The following STAT4 variants were observed in gnomAD, a reference collection of about 807,000 sequenced individuals.
The protein encoded by STAT4 is signal transducer and activator of transcription 4.
In STAT4, 42 loss-of-function variants were observed where a neutral mutation model predicts 110.5. The ratio of observed to expected loss-of-function variants is 0.38; its 90% CI spans 0.30 to 0.49. STAT4 has a LOEUF of 0.49. Among genes scored for constraint, STAT4 ranks in the 20% least tolerant of loss-of-function variants. STAT4 has a pLI of 0.95. For synonymous variants in STAT4, 284 were observed against 302.2 expected, an observed-to-expected ratio of 0.94 and a Z score of 0.63; for missense variants, 632 against 887.9, an observed-to-expected ratio of 0.71 and a Z score of 3.66.
At chr2:191,081,926 A>G (rs796142195) in intron 3 of STAT4, among the ~76,000 whole-genome samples, 1 of 152,236 alleles carries the variant, frequency 6.6e-6, no homozygotes, top group African/African-American at 2.4e-5. Flanking sequence ...CCTCACTTGC[A>G]TCATGCTGGA....
rs1698224928 is a variant in STAT4, at chr2:191,104,502, C to T, written c.274-28177G>A. 6.6e-6 allele frequency among the ~76,000 whole-genome samples: 1 copy of T among 152,152 alleles called. No individual in the cohort carries two copies. The highest frequency in any genetic ancestry group is 6.5e-5 in the Admixed American group (1 of 15,272). On this transcript the variant is annotated intron_variant, in intron 3 of 23. Transcript: ENST00000392320. This position sits in a 1 kb window ranked among gnomAD's most constrained non-coding sequence, Gnocchi z 4.3. ...TGAAGAAGATTTTGCCACACAGACT[C>T]ACACTGTGTTTTTAAATTTGAAGAT...
At position 191,033,043 on chromosome 2, in the gene STAT4, A is replaced by C. The variant is rs749296968; in HGVS notation, c.1959T>G (p.Ile653Met). Residue 653 changes from isoleucine (I) to methionine (M), a missense_variant, in exon 21 of 24, where the codon ATT becomes ATG. Physicochemically the swap from Ile to Met is conservative, Grantham distance 10 (BLOSUM62 1). Coordinates refer to ENST00000392320, the MANE Select transcript of STAT4 (RefSeq NM_003151.4). This position sits in a 1 kb window ranked among gnomAD's most constrained non-coding sequence, Gnocchi z 6.9. ...RDYKVIMAEN[I>M]PENPLKYLYP... is the part of the protein sequence containing the mutation. ...ATAGGTACTTCAGAGGGTTTTCAGG[A>C]ATGTTTTCAGCCATAATAACTTTGT... 107 of 1,614,204 alleles carry C rather than the reference A, an allele frequency of 6.6e-5. 1 individual carries two copies. The South Asian group carries it at 1.1e-3, about 17-fold the overall frequency.
At chr2:191,069,853 CT>C in intron 5 of STAT4, 82 bp from the exon 6 acceptor site, 1 of 1,075,340 alleles carries the variant, frequency 9.3e-7, no homozygotes, top group South Asian at 1.4e-5. Flanking sequence ...TTTTAAAAAA[CT>C]GCTTGGTGCT....
intron 3 of STAT4, chr2:191,131,899 G>T: frequency 7.1e-7 from 1 of 1,417,956 alleles, no homozygotes; most frequent in Non-Finnish European, 9.2e-7. Flanking sequence ...CAACCCTGGG[G>T]ACTAAAGCAA....
At chr2:191,056,586 T>C (rs1202368351) in intron 13 of STAT4, among the ~76,000 whole-genome samples, 1 of 152,210 alleles carries the variant, frequency 6.6e-6, no homozygotes, top group East Asian at 1.9e-4. Context: ...TTTGTACTTC[T>C]GTATTTATAT....
In STAT4 at chr2:191,117,945, C is replaced by G. The variant is rs1221028876; in HGVS notation, c.273+28668G>C. ...GAAGGATGTATCTATCTACACTGTTCAAGAGGAAGATAGATGGGACACAGT... is the reference window on the plus strand; with the variant it reads ...GAAGGATGTATCTATCTACACTGTTGAAGAGGAAGATAGATGGGACACAGT... On this transcript the variant is annotated intron_variant, in intron 3 of 23. Coordinates refer to ENST00000392320, the MANE Select transcript of STAT4 (RefSeq NM_003151.4). The surrounding 1 kb of genome is among the most constrained non-coding windows in gnomAD (Gnocchi z 5.2). Among the ~76,000 whole-genome samples, 2 of 152,150 alleles carry G rather than the reference C, an allele frequency of 1.3e-5. No individual in the cohort carries two copies. The highest frequency in any genetic ancestry group is 2.9e-5 in the Non-Finnish European group (2 of 68,020).
intron 14 of STAT4, among the ~76,000 whole-genome samples, chr2:191,052,187 T>C (rs1044295790): frequency 6.6e-6 from 1 of 152,230 alleles, no homozygotes; most frequent in Non-Finnish European, 1.5e-5. Context: ...CTAACCTTTG[T>C]GTGATCATCC....
chr2:191,137,499 A>G (rs1452244238), intron 3 of STAT4, among the ~76,000 whole-genome samples: 1 of 152,204 alleles, frequency 6.6e-6, no homozygotes, highest in East Asian at 1.9e-4. Context: ...AGAAATAGAA[A>G]AAACAAAATA....
chr2:191,039,304 T>C lies in STAT4; in HGVS notation c.1336-7A>G, dbSNP rs752365784. 11 of 1,613,662 alleles carry C rather than the reference T, an allele frequency of 6.8e-6. 1 individual carries two copies. Among genetic ancestry groups the C allele is most frequent in the Middle Eastern group, 1.6e-4 (1 of 6,084 alleles). ...CCACAGGCAATGAGCTGGTCTGGTT[T>C]GGGGGGAAAAAAGCATAGTTATTAC... On this transcript the variant is annotated splice_region_variant and splice_polypyrimidine_tract_variant and intron_variant, in intron 15 of 23. Transcript: ENST00000392320. The surrounding 1 kb of genome is among the most constrained non-coding windows in gnomAD (Gnocchi z 4.7).
In STAT4 at chr2:191,060,724, T is replaced by C. The variant is rs1483608054; in HGVS notation, c.1034+1005A>G. 6.6e-6 allele frequency among the ~76,000 whole-genome samples: 1 copy of C among 152,216 alleles called. No homozygotes were observed. The highest frequency in any genetic ancestry group is 1.5e-5 in the Non-Finnish European group (1 of 68,032). ...GTGAGCCACCATGCCTGGCCAACAG[T>C]GCAATTTAAAAAGGAACCTGGCCTC... On this transcript the variant is annotated intron_variant, in intron 10 of 23. Coordinates refer to ENST00000392320, the MANE Select transcript of STAT4 (RefSeq NM_003151.4). The surrounding 1 kb of genome is among the most constrained non-coding windows in gnomAD (Gnocchi z 4.5).
chr2:191,032,877 C>T lies in STAT4; in HGVS notation c.2044+81G>A. 2.2e-6 allele frequency: 3 copies of T among 1,374,260 alleles called. No homozygotes were observed. The highest frequency in any genetic ancestry group is 2.0e-6 in the Non-Finnish European group (2 of 1,005,414). 85.1% of individuals were successfully genotyped at this position (1,374,260 alleles called of 1,614,324 possible). ...AAATCAGAGTAAACAAGAAGGGGAACTTCATTTACTTTGCTCCAATATGAG... is the reference window on the plus strand; with the variant it reads ...AAATCAGAGTAAACAAGAAGGGGAATTTCATTTACTTTGCTCCAATATGAG... On this transcript the variant is annotated intron_variant, in intron 21 of 23. Transcript: ENST00000392320. This position sits in a 1 kb window ranked among gnomAD's most constrained non-coding sequence, Gnocchi z 4.9.
rs1698600782 is a variant in STAT4 at position 191,117,382 on chromosome 2, A to T, written c.273+29231T>A. Reference sequence around the variant, plus strand: ...CTAATTTAGTGCCAACACAAATGTAATTTATTGCATGATTATCTTCCAGAA... The same window carrying T: ...CTAATTTAGTGCCAACACAAATGTATTTTATTGCATGATTATCTTCCAGAA... On this transcript the variant is annotated intron_variant, in intron 3 of 23. Coordinates refer to ENST00000392320, the MANE Select transcript of STAT4 (RefSeq NM_003151.4). This position sits in a 1 kb window ranked among gnomAD's most constrained non-coding sequence, Gnocchi z 5.2. Among the ~76,000 whole-genome samples the T allele has an allele frequency of 6.6e-6, 1 of 152,216 alleles. No individual in the cohort carries two copies.
intron 8 of STAT4, among the ~76,000 whole-genome samples, chr2:191,064,227 T>G (rs935145548): frequency 6.6e-6 from 1 of 152,240 alleles, no homozygotes; most frequent in Non-Finnish European, 1.5e-5. Context: ...AATAGTTACA[T>G]CAACGGAATA....
In STAT4 at chr2:191,112,879, T is replaced by C. The variant is rs575997780; in HGVS notation, c.273+33734A>G. ...TTATTCTGTGACTCAGAATTAAACA[T>C]ACAACGTTCAGTCCTATAATAGAGC... On this transcript the variant is annotated intron_variant, in intron 3 of 23. Transcript: ENST00000392320. This position sits in a 1 kb window ranked among gnomAD's most constrained non-coding sequence, Gnocchi z 4.3. Among the ~76,000 whole-genome samples the C allele has an allele frequency of 7.2e-5, 11 of 152,362 alleles. 1 individual carries two copies. In the South Asian group the frequency reaches 2.3e-3, roughly 32 times the overall value.
In STAT4 at chr2:191,083,466, G is replaced by A. The variant is rs1010340764; in HGVS notation, c.274-7141C>T. On this transcript the variant is annotated intron_variant, in intron 3 of 23. Coordinates refer to ENST00000392320, the MANE Select transcript of STAT4 (RefSeq NM_003151.4). This position sits in a 1 kb window ranked among gnomAD's most constrained non-coding sequence, Gnocchi z 4.6. ...TGATAAGGCCAAGAAGATGTGAACA[G>A]GACAGCCCCACCTCTGCTGTACCAG... Among the ~76,000 whole-genome samples the A allele has an allele frequency of 6.6e-6, 1 of 152,156 alleles. No individual in the cohort carries two copies. The highest frequency in any genetic ancestry group is 1.9e-4 in the East Asian group (1 of 5,196).
At chr2:191,080,313 T>C (rs1052067068) in intron 3 of STAT4, among the ~76,000 whole-genome samples, 1 of 152,176 alleles carries the variant, frequency 6.6e-6, no homozygotes, top group Non-Finnish European at 1.5e-5. Flanking sequence ...AAGGGAAGTA[T>C]ATGTGTAATA....
At chr2:191,047,121 G>T (rs12999858) in intron 14 of STAT4, among the ~76,000 whole-genome samples, 9,984 of 152,228 alleles carry the variant, frequency 0.066, 462 homozygotes, top group Middle Eastern at 0.13. Context: ...AACAGATTTT[G>T]GGAAGCTTCT....
In STAT4 at chr2:191,029,774, T is replaced by G. The variant is rs1008713516; in HGVS notation, c.*66A>C. On this transcript the variant is annotated 3_prime_UTR_variant, in exon 24 of 24. Transcript: ENST00000392320. The surrounding 1 kb of genome is among the most constrained non-coding windows in gnomAD (Gnocchi z 4.5). ...AGCTGAAGAAATAAAATGTGGTTAT[T>G]GGGCAAAGAACAGTCTTTAAACTTT... 1 of 1,411,818 alleles carries G rather than the reference T, an allele frequency of 7.1e-7. No homozygotes were observed. Among genetic ancestry groups the G allele is most frequent in the African/African-American group, 1.4e-5 (1 of 69,172 alleles). The allele number at this position is 1,411,818 out of a possible 1,614,324, so 87.5% of individuals were successfully genotyped here.
Position 191,146,751 on chromosome 2 carries a change from T to C in STAT4, c.135A>G (p.Ala45=), listed in dbSNP as rs756950986. 3.9e-6 allele frequency: 6 copies of C among 1,540,228 alleles called. No individual in the cohort carries two copies. In the East Asian group the frequency reaches 6.9e-5, roughly 18 times the overall value. The change falls in exon 3 of 24, where the codon GCA becomes GCG. Residue 45 remains alanine, a synonymous_variant. Coordinates refer to ENST00000392320, the MANE Select transcript of STAT4 (RefSeq NM_003151.4). This position sits in a 1 kb window ranked among gnomAD's most constrained non-coding sequence, Gnocchi z 4.5. ...TTGCCATGGTTTCATTGTTAGAAGC[T>C]GCCTCCCTAAAAAAAAAAAGGATTA... ...AQWIENQDWE[A]ASNNETMATI...
Sources: allele counts gnomAD v4.1 joint callset (sites outside exome capture counted in the v4.1 genomes callset), GRCh38; gene constraint gnomAD v4.1.1; non-coding constraint Gnocchi (gnomAD v3.1); transcripts MANE v1.5; gene names NCBI Gene and HGNC (gene_info 2026-07-23, HGNC 2026-07-21).